TTC17: variants seen among roughly 807,000 people sequenced by gnomAD.
The protein encoded by TTC17 is tetratricopeptide repeat protein 17.
Under a neutral mutation model 143.8 loss-of-function variants are expected in TTC17, and 58 were observed. The ratio of observed to expected loss-of-function variants is 0.40; its 90% CI spans 0.33 to 0.50. The LOEUF (loss-of-function observed/expected upper bound fraction) is 0.50. TTC17 is among the 20% of genes least tolerant of loss of function. TTC17 has a pLI of 0.49. For missense variants in TTC17, 1,273 were observed against 1,392.5 expected (o/e 0.91, Z 1.37); for synonymous variants, 501 against 497.8 (o/e 1.01, Z -0.09).
intron 21 of TTC17, among the ~76,000 whole-genome samples, chr11:43,457,750 T>C (rs1009102628): frequency 3.3e-5 from 5 of 151,380 alleles, no homozygotes; most frequent in Non-Finnish European, 7.4e-5. Context: ...ACTAGAAAAA[T>C]ATACAGACAG....
At chr11:43,446,036 G>A in intron 18 of TTC17, 2 of 1,530,660 alleles carry the variant, frequency 1.3e-6, no homozygotes, top group Middle Eastern at 1.7e-4. Context: ...ACCAGATGGA[G>A]AGATGTGGGC....
At chr11:43,365,231 C>T (rs932291847) in intron 1 of TTC17, among the ~76,000 whole-genome samples, 8 of 152,070 alleles carry the variant, frequency 5.3e-5, no homozygotes, top group African/African-American at 1.9e-4. Context: ...CTCCCTAGTA[C>T]CTGGAACTAC....
At position 43,398,001 on chromosome 11, in the gene TTC17, C is replaced by A. The variant is rs1857689423; in HGVS notation, c.946C>A (p.Leu316Ile). The A allele has an allele frequency of 1.9e-6, 3 of 1,611,832 alleles. No individual in the cohort carries two copies. In the South Asian group the frequency reaches 3.3e-5, roughly 18 times the overall value. Reference protein sequence around the residue: ...AMLGEYNHSVLCYDHALQARP... With the variant: ...AMLGEYNHSVICYDHALQARP... ...GCTTGGGGAATATAACCACTCAGTG[C>A]TCTGTTATGACCACGCTTTGCAGGC... The change falls in exon 8 of 24, where the codon CTC becomes ATC. Residue 316 changes from leucine to isoleucine, a missense_variant. Physicochemically the swap from Leu to Ile is conservative, Grantham distance 5 (BLOSUM62 2). Around this residue, in one of 3 missense-constraint regions of TTC17, gnomAD observed 325 missense variants for 444.2 expected, o/e 0.73. Transcript: ENST00000039989.
chr11:43,438,155 GC>G (rs543767492), intron 16 of TTC17, among the ~76,000 whole-genome samples: 10 of 152,260 alleles, frequency 6.6e-5, no homozygotes, highest in African/African-American at 2.4e-4. Context: ...ATTGCCCAAG[GC>G]CCTATGGTGG....
intron 1 of TTC17, among the ~76,000 whole-genome samples, chr11:43,360,603 T>C (rs1428030875): frequency 6.6e-6 from 1 of 152,204 alleles, no homozygotes; most frequent in East Asian, 1.9e-4. Context: ...TCCTTCCCAT[T>C]TTGGTGTCCT....
rs1360698643 is a variant in TTC17 at position 43,467,902 on chromosome 11, A to G, written c.3030+16637A>G. Among the ~76,000 whole-genome samples, 5 of 152,248 alleles carry G rather than the reference A, an allele frequency of 3.3e-5. No homozygotes were observed. The East Asian group carries it at 7.7e-4, about 23-fold the overall frequency. On this transcript the variant is annotated intron_variant, in intron 21 of 23. Transcript: ENST00000039989. The stretch of plus-strand genomic sequence containing the variant: ...AAAAAAAAAAAATCCAACATACAGA[A>G]TCCCAGGAGAAGAGGAGAGAGAACA...
intron 21 of TTC17, among the ~76,000 whole-genome samples, chr11:43,462,484 C>T (rs980515087): frequency 2.0e-5 from 3 of 152,144 alleles, no homozygotes; most frequent in Admixed American, 6.5e-5. Context: ...CCAGCAGCCA[C>T]GAGAAACCAG....
At chr11:43,397,645 G>A (rs542801999) in intron 7 of TTC17, among the ~76,000 whole-genome samples, 154 bp downstream of exon 7, 1 of 149,816 alleles carries the variant, frequency 6.7e-6, no homozygotes, top group East Asian at 2.0e-4. Flanking sequence ...CCTCAACACA[G>A]TAATGTAATT....
intron 15 of TTC17, among the ~76,000 whole-genome samples, chr11:43,411,374 A>C (rs993417227): frequency 6.6e-6 from 1 of 152,012 alleles, no homozygotes; most frequent in African/African-American, 2.4e-5. Context: ...TATGAATACT[A>C]ACTTCTCAGT....
At chr11:43,410,875 G>A (rs7114352) in intron 15 of TTC17, among the ~76,000 whole-genome samples, 87,596 of 151,998 alleles carry the variant, frequency 0.58, 26,371 homozygotes, top group African/African-American at 0.73. Context: ...TCAGTCCACT[G>A]GCTAACCTTG....
intron 1 of TTC17, chr11:43,370,272 C>A: frequency 3.4e-6 from 1 of 296,722 alleles, no homozygotes; most frequent in Non-Finnish European, 6.7e-6. Context: ...TGAAACTCAT[C>A]TTGCTTGCTA....
chr11:43,469,648 A>G (rs1433071208), intron 21 of TTC17, among the ~76,000 whole-genome samples: 1 of 152,236 alleles, frequency 6.6e-6, no homozygotes, highest in Non-Finnish European at 1.5e-5. Context: ...ATAGGGGGAA[A>G]TAACATATAG....
At chr11:43,359,252 C>A in intron 1 of TTC17, 139 bp downstream of exon 1, 1 of 1,094,252 alleles carries the variant, frequency 9.1e-7, no homozygotes, top group Non-Finnish European at 1.2e-6. Context: ...CGACCTCGGA[C>A]TCCCTGCATT....
intron 22 of TTC17, 58 bp downstream of exon 22, chr11:43,490,416 G>T: frequency 6.5e-7 from 1 of 1,531,342 alleles, no homozygotes; most frequent in Non-Finnish European, 8.8e-7. Context: ...ATTCCCCATG[G>T]TTTATTCTGC....
intron 15 of TTC17, among the ~76,000 whole-genome samples, chr11:43,410,906 T>C (rs1858381095): frequency 6.6e-6 from 1 of 152,210 alleles, no homozygotes; most frequent in Non-Finnish European, 1.5e-5. Context: ...TTTCAAAATA[T>C]ACCTCAGATT....
At position 43,449,897 on chromosome 11, in the gene TTC17, C is replaced by T. The variant is rs1240661894; in HGVS notation, c.2787-185C>T. 2.3e-5 allele frequency: 15 copies of T among 652,684 alleles called. No homozygotes were observed. The East Asian group carries it at 4.4e-4, about 19-fold the overall frequency. 40.4% of individuals were successfully genotyped at this position (652,684 alleles called of 1,614,324 possible). A position where few individuals can be genotyped will look rare whatever the true frequency, so the allele number is the denominator to read the frequency against. Reference sequence around the variant, plus strand: ...AACTAGTTGTGGGTATTTATCACCACTTATATCTTGGAAGAAGAAATCCTA... The same window carrying T: ...AACTAGTTGTGGGTATTTATCACCATTTATATCTTGGAAGAAGAAATCCTA... On this transcript the variant is annotated intron_variant, in intron 19 of 23. Transcript: ENST00000039989.
chr11:43,442,025 A>T (rs1565168511), intron 16 of TTC17, among the ~76,000 whole-genome samples: 1 of 152,152 alleles, frequency 6.6e-6, no homozygotes. Flanking sequence ...ACTTACACAA[A>T]GCTAGGTGGT....
intron 11 of TTC17, among the ~76,000 whole-genome samples, chr11:43,404,543 T>G (rs1053483978): frequency 6.6e-6 from 1 of 152,200 alleles, no homozygotes; most frequent in Non-Finnish European, 1.5e-5. Flanking sequence ...CCCCTTGCTC[T>G]TCTGGAGCCT....
At chr11:43,401,319 G>A (rs1279841215) in intron 9 of TTC17, 127 bp from the exon 10 acceptor site, 27 of 584,476 alleles carry the variant, frequency 4.6e-5, no homozygotes, top group Admixed American at 1.0e-4. Flanking sequence ...ATATAAGTAC[G>A]TCCTACGTAA....
Sources: gnomAD v4.1 joint callset for allele counts (sites outside exome capture counted in the v4.1 genomes callset) on GRCh38, gnomAD v4.1.1 for gene constraint, gnomAD v4.1.1 regional missense constraint, MANE v1.5 for transcripts, NCBI Gene and HGNC (gene_info 2026-07-23, HGNC 2026-07-21) for gene names.